Variants in LTBP2 observed in about 807,000 individuals in gnomAD.
LTBP2 encodes the protein latent-transforming growth factor beta-binding protein 2.
Under a neutral mutation model 210.6 loss-of-function variants are expected in LTBP2, and 103 were observed. That is an observed-to-expected ratio of 0.49 (90% CI 0.42 to 0.58). The LOEUF (loss-of-function observed/expected upper bound fraction) is 0.58, where lower values mean the gene tolerates loss of function less well. LTBP2 is among the 20% of genes least tolerant of loss of function. The pLI, the probability that LTBP2 is intolerant of heterozygous loss-of-function variation, is 0.00. For missense variants in LTBP2, 2,313 were observed against 2,494.5 expected, an observed-to-expected ratio of 0.93 and a Z score of 1.55; for synonymous variants, 1,007 against 1,015.0, an observed-to-expected ratio of 0.99 and a Z score of 0.15.
In LTBP2 at chr14:74,498,422, A is replaced by G. The variant is rs1383290910; in HGVS notation, c.*2462T>C. The G allele has an allele frequency of 4.9e-6, 1 of 204,624 alleles. No individual in the cohort carries two copies. Among genetic ancestry groups the G allele is most frequent in the East Asian group, 7.5e-5 (1 of 13,418 alleles). The allele number at this position is 204,624 out of a possible 1,614,324, so 12.7% of individuals were successfully genotyped here. On this transcript the variant is annotated 3_prime_UTR_variant, in exon 36 of 36. Coordinates refer to ENST00000261978, the MANE Select transcript of LTBP2 (RefSeq NM_000428.3). ...TTATTTATAGCAAAAGACAGGAAAC[A>G]ATGGAAACGTCTGTCAGTGAGGGAC...
intron 18 of LTBP2, among the ~76,000 whole-genome samples, chr14:74,514,559 G>A (rs1595246400): frequency 6.6e-6 from 1 of 152,312 alleles, no homozygotes; most frequent in Middle Eastern, 3.4e-3. Context: ...AGAGCATGCG[G>A]TGGGGGTAGG....
intron 2 of LTBP2, among the ~76,000 whole-genome samples, chr14:74,596,262 T>TAAATAAAA (rs71449199): frequency 2.0e-5 from 3 of 147,620 alleles, no homozygotes; most frequent in Admixed American, 1.3e-4. Flanking sequence ...AATAAATAAA[T>TAAATAAAA]AAAAATTAAA....
chr14:74,585,954 G>T lies in LTBP2; in HGVS notation c.730C>A (p.Pro244Thr). ...GCCGCACTGCTCCTGCGCAGGTTGG[G>T]TGAACGCTCGGCCCAGCGTCGAGGT... is the stretch of plus-strand genomic sequence containing the variant. ...LAPRRWAERS[P>T]NLRRSSAAGE... is the part of the protein sequence containing the mutation. The change falls in exon 3 of 36, where the codon CCC becomes ACC. Residue 244 changes from proline (P) to threonine (T), a missense_variant. Pro to Thr is a conservative substitution (Grantham distance 38). Coordinates refer to ENST00000261978, the MANE Select transcript of LTBP2 (RefSeq NM_000428.3). The T allele has an allele frequency of 6.2e-7, 1 of 1,613,774 alleles. No individual in the cohort carries two copies. The highest frequency in any genetic ancestry group is 2.2e-5 in the East Asian group (1 of 44,880).
intron 3 of LTBP2, among the ~76,000 whole-genome samples, chr14:74,569,190 G>GGGAA (rs990757138): frequency 1.3e-5 from 2 of 148,866 alleles, no homozygotes; most frequent in African/African-American, 4.9e-5. Context: ...GAGGGAGGGA[G>GGGAA]GGAGGGAGGG....
At position 74,528,989 on chromosome 14, in the gene LTBP2, G is replaced by A. The variant is rs1164592797; in HGVS notation, c.2121C>T (p.Ser707=). 8.7e-6 allele frequency: 14 copies of A among 1,609,538 alleles called. No homozygotes were observed. Among genetic ancestry groups the A allele is most frequent in the Admixed American group, 1.7e-5 (1 of 59,586 alleles). Reference sequence around the variant, plus strand: ...CAGGCAGAGGGCATTTCTCACACTCGCTGCCCCATGCTTTGCCCACGCGGC... The same window carrying A: ...CAGGCAGAGGGCATTTCTCACACTCACTGCCCCATGCTTTGCCCACGCGGC... ...CCSRVGKAWG[S]ECEKCPLPGT... The change falls in exon 11 of 36, where the codon AGC becomes AGT. Residue 707 remains serine, a synonymous_variant. Transcript: ENST00000261978.
chr14:74,515,413 C>T (rs1391840131), intron 18 of LTBP2, among the ~76,000 whole-genome samples: 5 of 152,008 alleles, frequency 3.3e-5, no homozygotes, highest in African/African-American at 1.2e-4. Context: ...TGTGCTATCA[C>T]GCCCAGCTAA....
intron 8 of LTBP2, among the ~76,000 whole-genome samples, chr14:74,545,541 G>T (rs141824634): frequency 6.6e-6 from 1 of 152,306 alleles, no homozygotes; most frequent in Admixed American, 6.5e-5. Flanking sequence ...CAAACAGCTG[G>T]AGCCCACCAC....
chr14:74,587,106 C>T (rs1156934227), intron 2 of LTBP2, among the ~76,000 whole-genome samples: 5 of 152,192 alleles, frequency 3.3e-5, no homozygotes, highest in African/African-American at 1.2e-4. Context: ...GAACATTCCA[C>T]GCAGAGGCAC....
intron 17 of LTBP2, among the ~76,000 whole-genome samples, chr14:74,521,496 G>C (rs1294516414): frequency 6.6e-6 from 1 of 152,126 alleles, no homozygotes; most frequent in African/African-American, 2.4e-5. Context: ...CGTGCTCCTC[G>C]TTCAAAGGCA....
chr14:74,593,981 C>T (rs2088318855), intron 2 of LTBP2, among the ~76,000 whole-genome samples: 1 of 152,160 alleles, frequency 6.6e-6, no homozygotes, highest in East Asian at 1.9e-4. Flanking sequence ...AGAGCTATCA[C>T]GTTCATATCA....
chr14:74,564,561 AT>A (rs1407432389), intron 3 of LTBP2, among the ~76,000 whole-genome samples: 43 of 146,230 alleles, frequency 2.9e-4, no homozygotes, highest in African/African-American at 1.0e-3. Context: ...TGCCAGGCTA[AT>A]TTTTTTTTGT....
chr14:74,553,194 C>T (rs567633570), intron 4 of LTBP2, 132 bp from the exon 5 acceptor site: 109 of 861,796 alleles, frequency 1.3e-4, no homozygotes, highest in African/African-American at 5.5e-4. Context: ...ACCTACTGGA[C>T]GCAGGGTCCC....
rs561606850 is a variant in LTBP2 at position 74,559,237 on chromosome 14, G to A, written c.831-3544C>T. On this transcript the variant is annotated intron_variant, in intron 3 of 35. Coordinates refer to ENST00000261978, the MANE Select transcript of LTBP2 (RefSeq NM_000428.3). ...AGAAAAAAGTGTTATTGCTGTCCAA[G>A]TGTCCTTATATATACACAGGGCCAA... is the stretch of plus-strand genomic sequence containing the variant. Among the ~76,000 whole-genome samples the A allele has an allele frequency of 7.2e-5, 11 of 152,314 alleles. No homozygotes were observed. In the South Asian group the frequency reaches 2.1e-3, roughly 29 times the overall value.
chr14:74,519,015 G>C (rs149810514), intron 17 of LTBP2, among the ~76,000 whole-genome samples: 2 of 152,204 alleles, frequency 1.3e-5, no homozygotes, highest in Non-Finnish European at 2.9e-5. Context: ...AAATGGAGAC[G>C]TGAATAGAGA....
At chr14:74,553,492 T>G (rs933457728) in intron 4 of LTBP2, among the ~76,000 whole-genome samples, 2 of 152,148 alleles carry the variant, frequency 1.3e-5, no homozygotes, top group African/African-American at 4.8e-5. Context: ...GGGAACAGAA[T>G]GCAGCCCCAG....
At chr14:74,502,290 T>G (rs1322354358) in intron 34 of LTBP2, among the ~76,000 whole-genome samples, 2 of 152,052 alleles carry the variant, frequency 1.3e-5, no homozygotes, top group African/African-American at 4.8e-5. Context: ...AGGTCACAAG[T>G]GTGAATGCTG....
chr14:74,601,715 A>G lies in LTBP2; in HGVS notation c.565+1920T>C, dbSNP rs76343344. 4.9e-3 allele frequency among the ~76,000 whole-genome samples: 754 copies of G among 152,344 alleles called. 7 individuals are homozygous for G. Among genetic ancestry groups the G allele is most frequent in the African/African-American group, 0.017 (725 of 41,580 alleles). ...GACTCGCGGGAATGGGAGCAATCGC[A>G]TCGCATCCCATCAAGTGGGGTGTTA... is the stretch of plus-strand genomic sequence containing the variant. On this transcript the variant is annotated intron_variant, in intron 2 of 35. Transcript: ENST00000261978.
chr14:74,529,083 C>T lies in LTBP2; in HGVS notation c.2027G>A (p.Arg676Gln), dbSNP rs199710871. 22 of 1,554,688 alleles carry T rather than the reference C, an allele frequency of 1.4e-5. No homozygotes were observed. The Admixed American group carries it at 2.3e-4, about 17-fold the overall frequency. The change falls in exon 11 of 36, where the codon CGG (arginine) becomes CAG (glutamine). Residue 676 changes from arginine (R) to glutamine (Q), a missense_variant. Transcript: ENST00000261978. ...GGTGCAGGTGCCGGGCCCCAGCGACCGGTAGCACAGTCCCTGCAGCATGGA... is the reference window on the plus strand; with the variant it reads ...GGTGCAGGTGCCGGGCCCCAGCGACTGGTAGCACAGTCCCTGCAGCATGGA... ...AISMLQGLCY[R>Q]SLGPGTCTLP...
chr14:74,556,191 TCC>T (rs2087726503), intron 3 of LTBP2, among the ~76,000 whole-genome samples: 1 of 152,182 alleles, frequency 6.6e-6, no homozygotes, highest in Admixed American at 6.5e-5. Flanking sequence ...GCCTAGAGTC[TCC>T]CTCTCATTGA....
Sources: allele counts gnomAD v4.1 joint callset (sites outside exome capture counted in the v4.1 genomes callset), GRCh38; gene constraint gnomAD v4.1.1; transcripts MANE v1.5; gene names NCBI Gene and HGNC (gene_info 2026-07-23, HGNC 2026-07-21).